DPYD: variants seen among roughly 807,000 people sequenced by gnomAD.
DPYD encodes the protein dihydropyrimidine dehydrogenase [NADP(+)].
Under a neutral mutation model 116.2 loss-of-function variants are expected in DPYD, and 109 were observed. The ratio of observed to expected loss-of-function variants is 0.94; its 90% CI spans 0.80 to 1.10. The LOEUF is 1.10. Ranked by LOEUF, DPYD falls within the 50% of genes least tolerant of loss-of-function variation. The pLI is 0.00. For synonymous variants in DPYD, 440 were observed against 432.0 expected (o/e 1.02, Z -0.23); for missense variants, 1,302 against 1,254.5 (o/e 1.04, Z -0.57).
At chr1:97,525,690 T>C (rs1407447908) in intron 12 of DPYD, among the ~76,000 whole-genome samples, 4 of 151,658 alleles carry the variant, frequency 2.6e-5, no homozygotes, top group Non-Finnish European at 5.9e-5. Context: ...CTCTGGAAGA[T>C]TGCTGATTTT....
At chr1:97,728,792 A>G (rs1043072831) in intron 4 of DPYD, among the ~76,000 whole-genome samples, 2 of 152,110 alleles carry the variant, frequency 1.3e-5, no homozygotes, top group African/African-American at 4.8e-5. Context: ...CTAGCACCAC[A>G]CACAGAAAGT....
At chr1:97,656,260 C>G (rs918783660) in intron 8 of DPYD, among the ~76,000 whole-genome samples, 11 of 152,078 alleles carry the variant, frequency 7.2e-5, no homozygotes, top group African/African-American at 2.7e-4. Flanking sequence ...TTCACTAATC[C>G]CCTTCTTTTC....
intron 6 of DPYD, among the ~76,000 whole-genome samples, chr1:97,694,354 CAT>C (rs760125489): frequency 6.6e-6 from 1 of 152,180 alleles, no homozygotes; most frequent in Non-Finnish European, 1.5e-5. Context: ...CACATACACA[CAT>C]ACATCAGCAG....
At chr1:97,663,234 G>T (rs1659368890) in intron 8 of DPYD, among the ~76,000 whole-genome samples, 1 of 152,096 alleles carries the variant, frequency 6.6e-6, no homozygotes, top group Admixed American at 6.6e-5. Context: ...TTTCCACCAG[G>T]TTGTCACAAG....
In DPYD at chr1:97,450,114, G is replaced by A. The variant is rs753707032; in HGVS notation, c.1850C>T (p.Thr617Met). ...FLNIELISEK[T>M]AAYWCQSVTE... Reference sequence around the variant, plus strand: ...GACACTTTGACACCAATATGCAGCCGTTTTCTCACTGATGAGCTCAATATT... The same window carrying A: ...GACACTTTGACACCAATATGCAGCCATTTTCTCACTGATGAGCTCAATATT... The change falls in exon 14 of 23, where the codon ACG becomes ATG. Residue 617 changes from threonine to methionine, a missense_variant. Coordinates refer to ENST00000370192, the MANE Select transcript of DPYD (RefSeq NM_000110.4). The A allele has an allele frequency of 3.2e-5, 52 of 1,613,790 alleles. No individual in the cohort carries two copies. Among genetic ancestry groups the A allele is most frequent in the South Asian group, 5.5e-5 (5 of 91,090 alleles).
At chr1:97,174,436 T>C (rs1269806040) in intron 20 of DPYD, among the ~76,000 whole-genome samples, 1 of 151,590 alleles carries the variant, frequency 6.6e-6, no homozygotes, top group East Asian at 1.9e-4. Context: ...CTAGCCAGCC[T>C]CCCTGATGTG....
intron 3 of DPYD, among the ~76,000 whole-genome samples, chr1:97,770,004 T>TA (rs1374263597): frequency 2.2e-4 from 34 of 152,310 alleles, no homozygotes; most frequent in African/African-American, 7.5e-4. Flanking sequence ...AGGAAGCCAG[T>TA]ATTTACACTA....
chr1:97,087,075 T>C (rs1649568726), intron 21 of DPYD, among the ~76,000 whole-genome samples: 1 of 152,236 alleles, frequency 6.6e-6, no homozygotes, highest in African/African-American at 2.4e-5. Context: ...TTTAACTTCT[T>C]CCTTTACTAA....
intron 1 of DPYD, among the ~76,000 whole-genome samples, chr1:97,909,480 T>C (rs1252200008): frequency 2.0e-5 from 3 of 152,132 alleles, no homozygotes; most frequent in African/African-American, 7.2e-5. Flanking sequence ...TTCTCCAGCA[T>C]TTCCCAATGC....
intron 19 of DPYD, among the ~76,000 whole-genome samples, chr1:97,205,099 T>A (rs1486997486): frequency 6.6e-6 from 1 of 152,108 alleles, no homozygotes; most frequent in Non-Finnish European, 1.5e-5. Context: ...ACCTTCCCCA[T>A]TATTAATATC....
At chr1:97,570,419 A>G (rs1048818228) in intron 11 of DPYD, among the ~76,000 whole-genome samples, 2 of 151,972 alleles carry the variant, frequency 1.3e-5, no homozygotes, top group Non-Finnish European at 1.5e-5. Flanking sequence ...CTGTGTTGCC[A>G]CTATGGAATG....
chr1:97,725,273 G>T lies in DPYD; in HGVS notation c.322-3602C>A, dbSNP rs935129410. 2.6e-4 allele frequency among the ~76,000 whole-genome samples: 40 copies of T among 151,608 alleles called. No homozygotes were observed. In the South Asian group the frequency reaches 4.6e-3, roughly 17 times the overall value. On this transcript the variant is annotated intron_variant, in intron 4 of 22. Coordinates refer to ENST00000370192, the MANE Select transcript of DPYD (RefSeq NM_000110.4). ...TGTAAAAAGTTCAAATTTATACTCT[G>T]AAAACTATAGAAAACTGTTGAAAGG...
intron 3 of DPYD, among the ~76,000 whole-genome samples, chr1:97,793,239 C>T (rs1019899970): frequency 1.1e-4 from 16 of 152,260 alleles, no homozygotes; most frequent in Admixed American, 9.8e-4. Flanking sequence ...GAAAGTTATA[C>T]TATGTTCATG....
chr1:97,447,035 C>T (rs1676124844), intron 14 of DPYD, among the ~76,000 whole-genome samples: 1 of 152,064 alleles, frequency 6.6e-6, no homozygotes, highest in African/African-American at 2.4e-5. Context: ...TGAGCCCTCA[C>T]AATATATTTC....
At chr1:97,454,015 A>T (rs979763536) in intron 13 of DPYD, among the ~76,000 whole-genome samples, 5 of 152,064 alleles carry the variant, frequency 3.3e-5, no homozygotes, top group Non-Finnish European at 7.4e-5. Flanking sequence ...ACAGATGCCT[A>T]CTGTTGTAGA....
At chr1:97,915,260 T>C (rs188112940) in intron 1 of DPYD, among the ~76,000 whole-genome samples, 2 of 152,268 alleles carry the variant, frequency 1.3e-5, no homozygotes, top group East Asian at 3.9e-4. Flanking sequence ...CAATGTTTTC[T>C]TTTTGTACTA....
At chr1:97,784,630 ACT>A (rs949458384) in intron 3 of DPYD, among the ~76,000 whole-genome samples, 2 of 152,052 alleles carry the variant, frequency 1.3e-5, no homozygotes, top group African/African-American at 4.8e-5. Flanking sequence ...CTATGGAAGC[ACT>A]CTCTCTCATA....
At chr1:97,780,600 T>C (rs924386295) in intron 3 of DPYD, among the ~76,000 whole-genome samples, 3 of 152,204 alleles carry the variant, frequency 2.0e-5, no homozygotes, top group African/African-American at 4.8e-5. Context: ...AAATCATGGA[T>C]ACTTCTTGAA....
rs567287017 is a variant in DPYD, at chr1:97,665,058, C to T, written c.850+14037G>A. ...GTCTTTTCTAAGCCCCATATGATCT[C>T]GTATTATCACCCAGAATGTTTCTGT... On this transcript the variant is annotated intron_variant, in intron 8 of 22. Coordinates refer to ENST00000370192, the MANE Select transcript of DPYD (RefSeq NM_000110.4). 4.8e-4 allele frequency among the ~76,000 whole-genome samples: 73 copies of T among 152,092 alleles called. 1 individual carries two copies. In the South Asian group the frequency reaches 0.012, roughly 25 times the overall value.
Sources: gnomAD v4.1 joint callset for allele counts (sites outside exome capture counted in the v4.1 genomes callset) on GRCh38, gnomAD v4.1.1 for gene constraint, MANE v1.5 for transcripts, NCBI Gene and HGNC (gene_info 2026-07-23, HGNC 2026-07-21) for gene names.